Variants in KCNMA1 observed in about 807,000 individuals in gnomAD.
KCNMA1 encodes the protein potassium calcium-activated channel subfamily M alpha 1, also known as Calcium-activated potassium channel subunit alpha-1.
Under a neutral mutation model 140.0 loss-of-function variants are expected in KCNMA1, and 29 were observed. The observed-to-expected ratio is 0.21, with a 90% CI of 0.15 to 0.28. The LOEUF is 0.28. Ranked by LOEUF, KCNMA1 falls within the 10% of genes least tolerant of loss-of-function variation. The probability of loss-of-function intolerance (pLI) is 1.00; values close to 1 mark genes in which losing one functional copy is unlikely to be tolerated. For missense variants in KCNMA1, 880 were observed against 1,602.2 expected (o/e 0.55, Z 7.70); for synonymous variants, 612 against 611.9 (o/e 1.00, Z 0.00).
intron 5 of KCNMA1, among the ~76,000 whole-genome samples, chr10:77,182,597 T>C (rs2098811859): frequency 6.6e-6 from 1 of 152,146 alleles, no homozygotes. Flanking sequence ...AATGCATGCA[T>C]ATTACTTTTT....
intron 9 of KCNMA1, chr10:77,090,739 C>T (rs777412941): frequency 4.5e-5 from 26 of 580,840 alleles, no homozygotes; most frequent in Non-Finnish European, 6.5e-5. Context: ...TCACCTGATG[C>T]TGCACAAAAT....
At chr10:77,023,673 A>G (rs1407802412) in intron 16 of KCNMA1, among the ~76,000 whole-genome samples, 3 of 152,162 alleles carry the variant, frequency 2.0e-5, no homozygotes, top group Non-Finnish European at 2.9e-5. Flanking sequence ...GTATGACTGC[A>G]TTTGTAGTTT....
chr10:77,343,493 C>T (rs1320928085), intron 2 of KCNMA1, among the ~76,000 whole-genome samples: 1 of 152,050 alleles, frequency 6.6e-6, no homozygotes, highest in Non-Finnish European at 1.5e-5. Context: ...AAGGGGGTGG[C>T]AGAGGGGAGG....
chr10:77,422,200 G>A (rs963651633), intron 1 of KCNMA1, among the ~76,000 whole-genome samples: 6 of 152,176 alleles, frequency 3.9e-5, no homozygotes, highest in African/African-American at 4.8e-5. Context: ...GAGGAGAGAC[G>A]GCAGAATTTA....
At chr10:76,979,732 C>A (rs1378569864) in intron 19 of KCNMA1, 1 of 152,156 alleles carries the variant, frequency 6.6e-6, no homozygotes, top group African/African-American at 2.4e-5. Flanking sequence ...ACCATATCTT[C>A]CATTGAGCCA....
chr10:77,110,167 T>A lies in KCNMA1; in HGVS notation c.1131+6A>T. ...AATCAACATCATAATAAAGATTTTTTTTTACCAGTCCCCCGAGGATGAAGA... is the reference window on the plus strand; with the variant it reads ...AATCAACATCATAATAAAGATTTTTATTTACCAGTCCCCCGAGGATGAAGA... On this transcript the variant is annotated splice_donor_region_variant and intron_variant, in intron 8 of 27. Coordinates refer to ENST00000286628, the MANE Select transcript of KCNMA1 (RefSeq NM_001161352.2). 1 of 1,612,740 alleles carries A rather than the reference T, an allele frequency of 6.2e-7. No homozygotes were observed. The highest frequency in any genetic ancestry group is 1.1e-5 in the South Asian group (1 of 91,038).
chr10:76,975,109 C>T (rs962505623), intron 19 of KCNMA1, among the ~76,000 whole-genome samples: 2 of 152,062 alleles, frequency 1.3e-5, no homozygotes, highest in Admixed American at 6.6e-5. Flanking sequence ...TTCCTTCGGC[C>T]GTCAGCGACA....
chr10:76,998,409 TC>T (rs1389303765), intron 19 of KCNMA1, among the ~76,000 whole-genome samples: 1 of 152,088 alleles, frequency 6.6e-6, no homozygotes, highest in African/African-American at 2.4e-5. Flanking sequence ...GCACACTGGC[TC>T]AACTGGGAAA....
intron 1 of KCNMA1, among the ~76,000 whole-genome samples, chr10:77,523,209 C>CG (rs1555416260): frequency 1.3e-5 from 2 of 149,882 alleles, no homozygotes; most frequent in African/African-American, 4.9e-5. Context: ...ACGTGCCCCC[C>CG]CCCCTTGCAA....
intron 2 of KCNMA1, among the ~76,000 whole-genome samples, chr10:77,320,800 C>T (rs564246611): frequency 6.6e-6 from 1 of 152,262 alleles, no homozygotes; most frequent in East Asian, 1.9e-4. Context: ...GTTAAAGAAA[C>T]CAACCACATA....
intron 12 of KCNMA1, among the ~76,000 whole-genome samples, chr10:77,083,028 T>C (rs1488047607): frequency 6.6e-6 from 1 of 152,104 alleles, no homozygotes; most frequent in Non-Finnish European, 1.5e-5. Flanking sequence ...GATGTAAAGG[T>C]AACTTCTTGA....
rs201508482 is a variant in KCNMA1 at position 77,039,653 on chromosome 10, A to G, written c.1750-16T>C. 6.8e-7 allele frequency: 1 copy of G among 1,481,062 alleles called. No homozygotes were observed. Among genetic ancestry groups the G allele is most frequent in the East Asian group, 2.3e-5 (1 of 44,198 alleles). The allele number at this position is 1,481,062 out of a possible 1,614,324, so 91.7% of individuals were successfully genotyped here. A position where few individuals can be genotyped will look rare whatever the true frequency, so the allele number is the denominator to read the frequency against. On this transcript the variant is annotated splice_polypyrimidine_tract_variant and intron_variant, in intron 14 of 27. Coordinates refer to ENST00000286628, the MANE Select transcript of KCNMA1 (RefSeq NM_001161352.2). ...CTTCCTCAATCTAAAGGAAAGGAAC[A>G]CATGCGGAGAGTTTAAAATATGACG...
intron 5 of KCNMA1, among the ~76,000 whole-genome samples, chr10:77,159,755 G>T (rs1488257626): frequency 1.3e-5 from 2 of 152,052 alleles, no homozygotes; most frequent in Non-Finnish European, 2.9e-5. Flanking sequence ...CCTGGGACAC[G>T]TCAGGCTGTC....
chr10:77,297,809 G>A (rs2075573509), intron 2 of KCNMA1, among the ~76,000 whole-genome samples: 1 of 152,192 alleles, frequency 6.6e-6, no homozygotes, highest in African/African-American at 2.4e-5. Flanking sequence ...CATGACAGGA[G>A]TGGAGAAGGG....
At chr10:76,883,729 T>TTTG (rs1554855340), downstream of KCNMA1, among the ~76,000 whole-genome samples, 13 of 150,360 alleles carry the variant, frequency 8.6e-5, no homozygotes, top group South Asian at 1.7e-3. Context: ...TTGTTTTTTT[T>TTTG]TTTTTTTTTT....
intron 16 of KCNMA1, among the ~76,000 whole-genome samples, chr10:77,027,318 A>T (rs1351987853): frequency 2.0e-5 from 3 of 152,190 alleles, no homozygotes; most frequent in Non-Finnish European, 4.4e-5. Context: ...GCTCATTTAC[A>T]TGAAGCTGAT....
intron 2 of KCNMA1, among the ~76,000 whole-genome samples, chr10:77,301,674 T>C (rs772594357): frequency 6.6e-6 from 1 of 151,872 alleles, no homozygotes; most frequent in Non-Finnish European, 1.5e-5. Context: ...AATTAGTGAG[T>C]TGGCTTCAAC....
chr10:76,947,795 C>G lies in KCNMA1; in HGVS notation c.2709+1347G>C, dbSNP rs114539256. Among the ~76,000 whole-genome samples the G allele has an allele frequency of 2.2e-3, 334 of 152,276 alleles. 1 individual carries two copies. The highest frequency in any genetic ancestry group is 7.6e-3 in the African/African-American group (317 of 41,550). ...TATTGTGTCAGGCATTATGTAAAGGCACATGGTGGCATCTAATGAGTAACA... is the reference window on the plus strand; with the variant it reads ...TATTGTGTCAGGCATTATGTAAAGGGACATGGTGGCATCTAATGAGTAACA... On this transcript the variant is annotated intron_variant, in intron 22 of 27. Transcript: ENST00000286628.
intron 19 of KCNMA1, among the ~76,000 whole-genome samples, chr10:76,992,813 G>A (rs1329846453): frequency 6.6e-6 from 1 of 152,198 alleles, no homozygotes; most frequent in Non-Finnish European, 1.5e-5. Context: ...ACTTAGAAAT[G>A]CCACATGACT....
Sources: gnomAD v4.1 joint callset for allele counts (sites outside exome capture counted in the v4.1 genomes callset) on GRCh38, gnomAD v4.1.1 for gene constraint, MANE v1.5 for transcripts, NCBI Gene and HGNC (gene_info 2026-07-23, HGNC 2026-07-21) for gene names.